The following CRPPA variants were observed in gnomAD, a reference collection of about 807,000 sequenced individuals.
CRPPA encodes CDP-L-ribitol pyrophosphorylase A.
In CRPPA, 43 loss-of-function variants were observed where a neutral mutation model predicts 52.0. That is an observed-to-expected ratio of 0.83 (90% CI 0.65 to 1.07). The LOEUF (loss-of-function observed/expected upper bound fraction) is 1.07. Among genes scored for constraint, CRPPA ranks in the 50% least tolerant of loss-of-function variants. The pLI is 0.00. For missense variants in CRPPA, 629 were observed against 551.7 expected, an observed-to-expected ratio of 1.14 and a Z score of -1.40; for synonymous variants, 250 against 203.5, an observed-to-expected ratio of 1.23 and a Z score of -1.94.
chr7:16,099,229 G>C (rs1017458573), intron 9 of CRPPA, among the ~76,000 whole-genome samples: 6 of 150,776 alleles, frequency 4.0e-5, no homozygotes, highest in Non-Finnish European at 7.4e-5. Flanking sequence ...CTGCAGCCTA[G>C]GTGACAGAGC....
chr7:16,360,400 C>A lies in CRPPA; in HGVS notation c.684+15692G>T, dbSNP rs535503486. Among the ~76,000 whole-genome samples the A allele has an allele frequency of 1.4e-4, 22 of 152,140 alleles. No homozygotes were observed. The South Asian group carries it at 4.6e-3, about 32-fold the overall frequency. The stretch of plus-strand genomic sequence containing the variant: ...TACATTAAGGAGTACTTTATCACTC[C>A]AAATAACCAAAGCAATCTTGAAAAA... On this transcript the variant is annotated intron_variant, in intron 3 of 9. Transcript: ENST00000407010.
At chr7:16,316,804 C>A (rs1320008523) in intron 3 of CRPPA, among the ~76,000 whole-genome samples, 1 of 152,040 alleles carries the variant, frequency 6.6e-6, no homozygotes, top group African/African-American at 2.4e-5. Context: ...CTGCAGTGAA[C>A]CACAATCACA....
chr7:16,388,862 C>T (rs920751752), intron 2 of CRPPA, among the ~76,000 whole-genome samples: 2 of 151,836 alleles, frequency 1.3e-5, no homozygotes, highest in Non-Finnish European at 2.9e-5. Flanking sequence ...GGCGACAGAG[C>T]AAGACTCCAT....
chr7:16,103,910 A>G (rs1272689737), intron 9 of CRPPA, among the ~76,000 whole-genome samples: 1 of 152,224 alleles, frequency 6.6e-6, no homozygotes, highest in Non-Finnish European at 1.5e-5. Flanking sequence ...TTCACATAAC[A>G]TTTAGTTTCA....
Position 16,190,786 on chromosome 7 carries a change from G to C in CRPPA, c.1251+25280C>G, listed in dbSNP as rs144136798. Among the ~76,000 whole-genome samples, 299 of 152,054 alleles carry C rather than the reference G, an allele frequency of 2.0e-3. 2 individuals are homozygous for C. The East Asian group carries it at 0.026, about 13-fold the overall frequency. Reference sequence around the variant, plus strand: ...ATCTCTCTCCCACCCTTTCCCCCAAGTCCCCGAAATCCATTGTATGATTCT... The same window carrying C: ...ATCTCTCTCCCACCCTTTCCCCCAACTCCCCGAAATCCATTGTATGATTCT... On this transcript the variant is annotated intron_variant, in intron 9 of 9. Coordinates refer to ENST00000407010, the MANE Select transcript of CRPPA (RefSeq NM_001101426.4).
chr7:16,365,505 C>A (rs887238696), intron 3 of CRPPA, among the ~76,000 whole-genome samples: 3 of 152,122 alleles, frequency 2.0e-5, no homozygotes, highest in Non-Finnish European at 4.4e-5. Context: ...GGTAGTATCA[C>A]AGGAGACAGT....
chr7:16,326,453 C>A (rs984977871), intron 3 of CRPPA, among the ~76,000 whole-genome samples: 2 of 152,182 alleles, frequency 1.3e-5, no homozygotes, highest in African/African-American at 4.8e-5. Flanking sequence ...AGTCAAAGAG[C>A]TCTGTTCCTC....
chr7:16,243,059 A>G lies in CRPPA; in HGVS notation c.1119+15331T>C, dbSNP rs143898922. On this transcript the variant is annotated intron_variant, in intron 8 of 9. Transcript: ENST00000407010. ...TCTCATTTCAAATTGTAATTCCCACATGTCAAAGGCGGGACCTATAATCCT... is the reference window on the plus strand; with the variant it reads ...TCTCATTTCAAATTGTAATTCCCACGTGTCAAAGGCGGGACCTATAATCCT... Among the ~76,000 whole-genome samples the G allele has an allele frequency of 6.3e-3, 959 of 152,224 alleles. 16 individuals are homozygous for G. The highest frequency in any genetic ancestry group is 0.023 in the African/African-American group (941 of 41,530).
At chr7:16,111,531 C>A (rs777632352) in intron 9 of CRPPA, among the ~76,000 whole-genome samples, 1 of 152,166 alleles carries the variant, frequency 6.6e-6, no homozygotes, top group Non-Finnish European at 1.5e-5. Flanking sequence ...TATAAGAGTC[C>A]ATCAACAGAT....
At chr7:16,265,220 G>A (rs527259182) in intron 6 of CRPPA, among the ~76,000 whole-genome samples, 1 of 152,254 alleles carries the variant, frequency 6.6e-6, no homozygotes, top group African/African-American at 2.4e-5. Context: ...TTCATGACCT[G>A]CCACCATAGG....
At position 16,229,442 on chromosome 7, in the gene CRPPA, T is replaced by C. The variant is rs181973530; in HGVS notation, c.1120-13245A>G. Among the ~76,000 whole-genome samples the C allele has an allele frequency of 5.6e-4, 85 of 152,196 alleles. 2 individuals carry two copies. The East Asian group carries it at 9.5e-3, about 17-fold the overall frequency. ...TGCTTTTTATTTTCTGTGTATCTAA[T>C]ATAAGTTTTTGCTTTGTGGTTACCA... On this transcript the variant is annotated intron_variant, in intron 8 of 9. Transcript: ENST00000407010.
intron 9 of CRPPA, among the ~76,000 whole-genome samples, chr7:16,141,382 TC>T (rs1782866979): frequency 6.6e-6 from 1 of 152,220 alleles, no homozygotes; most frequent in African/African-American, 2.4e-5. Flanking sequence ...AACCATTTTT[TC>T]CATCTATTCT....
rs557215815 is a variant in CRPPA, at chr7:16,318,057, T to C, written c.685-9430A>G. 5.9e-5 allele frequency among the ~76,000 whole-genome samples: 9 copies of C among 152,308 alleles called. No individual in the cohort carries two copies. The South Asian group carries it at 1.9e-3, about 32-fold the overall frequency. On this transcript the variant is annotated intron_variant, in intron 3 of 9. Transcript: ENST00000407010. ...TGGAATTTTCATTGTCAACACAGTC[T>C]CTAACTGGAAGCTCCATCCGTCATC...
chr7:16,217,317 T>C (rs1782356992), intron 8 of CRPPA, among the ~76,000 whole-genome samples: 1 of 151,696 alleles, frequency 6.6e-6, no homozygotes, highest in Non-Finnish European at 1.5e-5. Context: ...ACACCAAAAG[T>C]AGATAAAACC....
intron 9 of CRPPA, among the ~76,000 whole-genome samples, chr7:16,187,028 T>C (rs1039332969): frequency 1.1e-4 from 16 of 152,352 alleles, no homozygotes; most frequent in Admixed American, 2.0e-4. Context: ...AAAGTTCCTC[T>C]TTCAGATTCA....
chr7:16,372,715 G>A (rs1011287485), intron 3 of CRPPA, among the ~76,000 whole-genome samples: 1 of 152,070 alleles, frequency 6.6e-6, no homozygotes, highest in Non-Finnish European at 1.5e-5. Flanking sequence ...AATGTAAATG[G>A]CCTATATGCT....
Position 16,406,321 on chromosome 7 carries a change from C to T in CRPPA, c.274G>A (p.Asp92Asn). The T allele has an allele frequency of 6.2e-7, 1 of 1,613,364 alleles. No individual in the cohort carries two copies. Among genetic ancestry groups the T allele is most frequent in the East Asian group, 2.2e-5 (1 of 44,880 alleles). ...TCTCCAGTTACTGCCACAACAATGT[C>T]CTTTATCCAACATACTCTAAAAGGA... ...QALERVCWIK[D>N]IVVAVTGENM... Residue 92 changes from aspartate (D) to asparagine (N), a missense_variant, in exon 2 of 10, where the codon GAC (aspartate) becomes AAC (asparagine). Transcript: ENST00000407010.
intron 6 of CRPPA, among the ~76,000 whole-genome samples, chr7:16,274,539 C>T (rs1301149179): frequency 6.6e-6 from 1 of 151,998 alleles, no homozygotes; most frequent in Non-Finnish European, 1.5e-5. Flanking sequence ...AGAAGTTCTA[C>T]ATTAGCTCCT....
intron 1 of CRPPA, among the ~76,000 whole-genome samples, chr7:16,410,846 C>CGAT (rs1164700284): frequency 6.6e-6 from 1 of 152,174 alleles, no homozygotes; most frequent in Non-Finnish European, 1.5e-5. Context: ...CAGCCCTGCC[C>CGAT]GAGTCTTTCA....
Sources: allele counts gnomAD v4.1 joint callset (sites outside exome capture counted in the v4.1 genomes callset), GRCh38; gene constraint gnomAD v4.1.1; transcripts MANE v1.5; gene names NCBI Gene and HGNC (gene_info 2026-07-23, HGNC 2026-07-21).